USP47: variants seen among roughly 807,000 people sequenced by gnomAD.
USP47 encodes ubiquitin carboxyl-terminal hydrolase 47.
In USP47, 35 loss-of-function variants were observed where a neutral mutation model predicts 165.1. That is an observed-to-expected ratio of 0.21 (90% CI 0.16 to 0.28). USP47 has a LOEUF of 0.28. Ranked by LOEUF, USP47 falls within the 10% of genes least tolerant of loss-of-function variation. USP47 has a pLI of 1.00. For missense variants in USP47, 1,277 were observed against 1,607.4 expected, an observed-to-expected ratio of 0.79 and a Z score of 3.52; for synonymous variants, 531 against 544.5, an observed-to-expected ratio of 0.98 and a Z score of 0.35.
At chr11:11,907,070 T>A (rs1190559450) in intron 8 of USP47, among the ~76,000 whole-genome samples, 1 of 152,224 alleles carries the variant, frequency 6.6e-6, no homozygotes, top group African/African-American at 2.4e-5. Context: ...ATTTGAGTAT[T>A]CAGCAAATAT....
Position 11,880,205 on chromosome 11 carries a change from T to G in USP47, c.68T>G (p.Val23Gly). Residue 23 changes from valine (V) to glycine (G), a missense_variant, in exon 2 of 28, where the codon GTC becomes GGC. By Grantham distance (109) the Val-to-Gly change is moderately radical (BLOSUM62 -3). Around this residue, in one of 4 missense-constraint regions of USP47, gnomAD observed 181 missense variants for 194.7 expected, o/e 0.93. Coordinates refer to ENST00000527733, the MANE Select transcript of USP47 (RefSeq NM_001282659.2). Reference sequence around the variant, plus strand: ...GAAAATGCTGCTGAAGAACCTAGAGTCTTATGTATTATACAAGATACTACT... The same window carrying G: ...GAAAATGCTGCTGAAGAACCTAGAGGCTTATGTATTATACAAGATACTACT... ...EIENAAEEPRVLCIIQDTTNS... is the reference protein window; with the variant it reads ...EIENAAEEPRGLCIIQDTTNS... 1 of 1,475,876 alleles carries G rather than the reference T, an allele frequency of 6.8e-7. No homozygotes were observed. The allele number at this position is 1,475,876 out of a possible 1,614,324, so 91.4% of individuals were successfully genotyped here. A position where few individuals can be genotyped will look rare whatever the true frequency, so the allele number is the denominator to read the frequency against.
At chr11:11,910,179 A>T (rs1264329584) in intron 8 of USP47, among the ~76,000 whole-genome samples, 1 of 152,182 alleles carries the variant, frequency 6.6e-6, no homozygotes, top group Non-Finnish European at 1.5e-5. Flanking sequence ...AACCTTGAGC[A>T]TTATATGTAA....
chr11:11,911,235 A>G (rs1852957164), intron 8 of USP47, among the ~76,000 whole-genome samples: 1 of 152,216 alleles, frequency 6.6e-6, no homozygotes, highest in Admixed American at 6.5e-5. Context: ...TTATGGGACT[A>G]TAACAAAAGG....
chr11:11,941,276 G>A (rs1271671797), intron 19 of USP47, among the ~76,000 whole-genome samples: 3 of 151,882 alleles, frequency 2.0e-5, no homozygotes, highest in African/African-American at 7.2e-5. Context: ...GTGTGTATAT[G>A]TAAAACATTA....
chr11:11,902,343 T>C lies in USP47; in HGVS notation c.594-372T>C, dbSNP rs75844213. 4.0e-3 allele frequency among the ~76,000 whole-genome samples: 608 copies of C among 152,328 alleles called. 5 individuals are homozygous for C. The highest frequency in any genetic ancestry group is 0.014 in the African/African-American group (593 of 41,572). On this transcript the variant is annotated intron_variant, in intron 5 of 27. Transcript: ENST00000527733. Reference sequence around the variant, plus strand: ...CTGTAGTTTTCCACAGTTTGGGTTTTGATGGTTGTATGCCGTAGTATCTCA... The same window carrying C: ...CTGTAGTTTTCCACAGTTTGGGTTTCGATGGTTGTATGCCGTAGTATCTCA...
intron 8 of USP47, among the ~76,000 whole-genome samples, chr11:11,913,847 G>A (rs1853205406): frequency 6.6e-6 from 1 of 152,048 alleles, no homozygotes; most frequent in Admixed American, 6.6e-5. Context: ...TTCTATGCAT[G>A]TATCAAGTAT....
intron 3 of USP47, 115 bp downstream of exon 3, chr11:11,884,695 A>T (rs542788080): frequency 1.5e-6 from 1 of 685,076 alleles, no homozygotes; most frequent in African/African-American, 1.8e-5. Flanking sequence ...TAATAAATTA[A>T]TATTTTTTCA....
At chr11:11,938,146 T>C (rs899989143) in intron 17 of USP47, 111 bp from the exon 18 acceptor site, 4 of 818,150 alleles carry the variant, frequency 4.9e-6, no homozygotes, top group Admixed American at 5.0e-5. Flanking sequence ...TCATCTGTAC[T>C]TGGAAGTTTG....
chr11:11,892,039 G>A lies in USP47; in HGVS notation c.429G>A (p.Gly143=). The A allele has an allele frequency of 6.2e-7, 1 of 1,613,806 alleles. No homozygotes were observed. The highest frequency in any genetic ancestry group is 8.5e-7 in the Non-Finnish European group (1 of 1,179,838). The part of the protein sequence containing the change: ...FIGPLPREGS[G]GSTSDYVSQS... ...GTCCGCTTCCAAGAGAAGGTTCTGG[G>A]GGTTCTACCAGTGATTATGTCAGCC... The change falls in exon 4 of 28, where the codon GGG becomes GGA. Residue 143 remains glycine (G), a synonymous_variant. Coordinates refer to ENST00000527733, the MANE Select transcript of USP47 (RefSeq NM_001282659.2).
intron 1 of USP47, among the ~76,000 whole-genome samples, chr11:11,877,582 A>G (rs987149940): frequency 6.6e-6 from 1 of 152,212 alleles, no homozygotes; most frequent in African/African-American, 2.4e-5. Context: ...CTTGGAGACA[A>G]TAAAATAGAA....
chr11:11,861,038 C>T (rs1479519559), intron 1 of USP47, among the ~76,000 whole-genome samples: 2 of 152,036 alleles, frequency 1.3e-5, no homozygotes, highest in African/African-American at 4.8e-5. Context: ...TTTTCTTCAT[C>T]GATAAAATAA....
At chr11:11,952,629 T>C in intron 24 of USP47, 112 bp from the exon 25 acceptor site, 1 of 1,254,048 alleles carries the variant, frequency 8.0e-7, no homozygotes, top group Non-Finnish European at 1.0e-6. Context: ...TGCCCACTTT[T>C]TAAGAGTAAC....
rs568439318 is a variant in USP47, at chr11:11,888,488, C to A, written c.358-3480C>A. ...AAATTCCTGGACACATACACCGTTCCAAGACTGAACTAGGAAGAAATTGAG... is the reference window on the plus strand; with the variant it reads ...AAATTCCTGGACACATACACCGTTCAAAGACTGAACTAGGAAGAAATTGAG... On this transcript the variant is annotated intron_variant, in intron 3 of 27. Transcript: ENST00000527733. Among the ~76,000 whole-genome samples, 61 of 152,048 alleles carry A rather than the reference C, an allele frequency of 4.0e-4. No individual in the cohort carries two copies. In the South Asian group the frequency reaches 6.0e-3, roughly 15 times the overall value.
intron 24 of USP47, chr11:11,951,190 GTGT>G (rs1180038042): frequency 1.3e-5 from 2 of 152,326 alleles, no homozygotes; most frequent in Admixed American, 6.5e-5. Flanking sequence ...TCTTCATGTG[GTGT>G]TCTTTCTGTG....
intron 8 of USP47, among the ~76,000 whole-genome samples, chr11:11,908,730 A>G (rs1327173250): frequency 6.6e-6 from 1 of 152,008 alleles, no homozygotes; most frequent in Non-Finnish European, 1.5e-5. Flanking sequence ...TCTTTTTTCA[A>G]TAGATTTTTA....
chr11:11,861,781 G>A (rs1216792551), intron 1 of USP47, among the ~76,000 whole-genome samples: 1 of 152,116 alleles, frequency 6.6e-6, no homozygotes, highest in African/African-American at 2.4e-5. Flanking sequence ...CTTTATCCAA[G>A]TCAGCCTAGT....
At position 11,877,789 on chromosome 11, in the gene USP47, T is replaced by TTC. The variant is rs902594958; in HGVS notation, c.40-2372_40-2371dup. Among the ~76,000 whole-genome samples the TTC allele has an allele frequency of 5.8e-4, 70 of 121,252 alleles. 3 individuals are homozygous for TTC. The highest frequency in any genetic ancestry group is 1.7e-3 in the East Asian group (7 of 4,022). 79.5% of individuals were successfully genotyped at this position (121,252 alleles called of 152,430 possible). A position where few individuals can be genotyped will look rare whatever the true frequency, so the allele number is the denominator to read the frequency against. On this transcript the variant is annotated intron_variant, in intron 1 of 27. Transcript: ENST00000527733. ...CCTTTCTCTCTCTCTCTCTCTCTCT[T>TTC]TCTCTCTCTCTCTCTCTGTGTGTGT... is the stretch of plus-strand genomic sequence containing the variant.
Position 11,911,395 on chromosome 11 carries a change from C to A in USP47, c.969+5847C>A, listed in dbSNP as rs4281479. ...TTCCAAATTTAGCAAAAGGCATAAA[C>A]CTACAGATCTGAGTAGCTGAGCAAA... On this transcript the variant is annotated intron_variant, in intron 8 of 27. Transcript: ENST00000527733. 9.5e-3 allele frequency among the ~76,000 whole-genome samples: 1,452 copies of A among 152,068 alleles called. 10 individuals carry two copies. The highest frequency in any genetic ancestry group is 0.016 in the Non-Finnish European group (1,076 of 67,954).
chr11:11,848,590 C>G (rs1045420580), intron 1 of USP47, among the ~76,000 whole-genome samples: 1 of 150,856 alleles, frequency 6.6e-6, no homozygotes. Context: ...ATACTTACTT[C>G]CATATTTGAA....
Sources: allele counts gnomAD v4.1 joint callset (sites outside exome capture counted in the v4.1 genomes callset), GRCh38; gene constraint gnomAD v4.1.1; regional missense constraint gnomAD v4.1.1; transcripts MANE v1.5; gene names NCBI Gene and HGNC (gene_info 2026-07-23, HGNC 2026-07-21).